Variants in PLEKHA6 observed in about 807,000 individuals in gnomAD.
PLEKHA6 encodes pleckstrin homology domain containing A6, also known as pleckstrin homology domain-containing family A member 6.
A neutral mutation model predicts 116.7 loss-of-function variants in PLEKHA6; 60 were observed. That is an observed-to-expected ratio of 0.51 (90% CI 0.42 to 0.64). The LOEUF (loss-of-function observed/expected upper bound fraction) is 0.64, where lower values mean the gene tolerates loss of function less well. PLEKHA6 is among the 30% of genes least tolerant of loss of function. The pLI is 0.00. For missense variants in PLEKHA6, 1,338 were observed against 1,422.7 expected (o/e 0.94, Z 0.96); for synonymous variants, 489 against 556.1 (o/e 0.88, Z 1.70).
At chr1:204,353,611 G>C (rs1261284889) in intron 1 of PLEKHA6, among the ~76,000 whole-genome samples, 1 of 152,174 alleles carries the variant, frequency 6.6e-6, no homozygotes, top group Non-Finnish European at 1.5e-5. Flanking sequence ...TGTGATCATG[G>C]ACTTTCAGGT....
intron 1 of PLEKHA6, among the ~76,000 whole-genome samples, chr1:204,317,535 C>T (rs754047179): frequency 9.9e-5 from 15 of 152,150 alleles, no homozygotes; most frequent in East Asian, 3.8e-4. Context: ...CCAACACTCC[C>T]GGCTAGATCT....
At chr1:204,251,403 G>T in intron 9 of PLEKHA6, 1 of 606,754 alleles carries the variant, frequency 1.6e-6, no homozygotes, top group Admixed American at 2.5e-5. Context: ...GGAAGACCAG[G>T]CCAAGCCTGT....
At chr1:204,314,540 G>A (rs1358207287) in intron 1 of PLEKHA6, among the ~76,000 whole-genome samples, 1 of 152,184 alleles carries the variant, frequency 6.6e-6, no homozygotes, top group East Asian at 1.9e-4. Flanking sequence ...GTCTAACCAA[G>A]GAGACTGGAG....
chr1:204,247,361 T>C lies in PLEKHA6; in HGVS notation c.1920+4A>G. 1 of 1,597,882 alleles carries C rather than the reference T, an allele frequency of 6.3e-7. No homozygotes were observed. The highest frequency in any genetic ancestry group is 8.6e-7 in the Non-Finnish European group (1 of 1,165,624). ...TCCCCGCCAGCTCAGGGGCCCTTCT[T>C]CACCTGGGTGTCCAAATTGAGCTGC... On this transcript the variant is annotated splice_donor_region_variant and intron_variant, in intron 13 of 22. Coordinates refer to ENST00000272203, the MANE Select transcript of PLEKHA6 (RefSeq NM_014935.5).
rs562420368 is a variant in PLEKHA6 at position 204,350,035 on chromosome 1, A to C, written c.-95+9659T>G. 2.0e-5 allele frequency among the ~76,000 whole-genome samples: 3 copies of C among 152,226 alleles called. No homozygotes were observed. In the South Asian group the frequency reaches 6.2e-4, roughly 31 times the overall value. On this transcript the variant is annotated intron_variant, in intron 1 of 22. Coordinates refer to ENST00000272203, the MANE Select transcript of PLEKHA6 (RefSeq NM_014935.5). ...AATTTCGATGTCTTCCTTTTAAAAC[A>C]TTCTGGCCAGGCGCAGTGGTTCATG...
chr1:204,315,310 G>A (rs529436739), intron 1 of PLEKHA6, among the ~76,000 whole-genome samples: 3 of 152,224 alleles, frequency 2.0e-5, no homozygotes, highest in East Asian at 1.9e-4. Context: ...CCACCTCCAC[G>A]GTTTGGCATC....
At chr1:204,284,117 C>T (rs1668925131) in intron 1 of PLEKHA6, among the ~76,000 whole-genome samples, 2 of 152,216 alleles carry the variant, frequency 1.3e-5, no homozygotes, top group Non-Finnish European at 2.9e-5. Context: ...ATGCCCCCTC[C>T]TGTCCCTCCC....
In PLEKHA6 at chr1:204,358,510, G is replaced by A. The variant is rs577490899; in HGVS notation, c.-95+1184C>T. On this transcript the variant is annotated intron_variant, in intron 1 of 22. Coordinates refer to ENST00000272203, the MANE Select transcript of PLEKHA6 (RefSeq NM_014935.5). ...TGGGAGATTTGTAGGGCAAGTGCCC[G>A]CAGTGCCCCCGCACCTGCCCAGACA... Among the ~76,000 whole-genome samples the A allele has an allele frequency of 5.3e-5, 8 of 152,300 alleles. No individual in the cohort carries two copies. The South Asian group carries it at 6.2e-4, about 12-fold the overall frequency.
chr1:204,282,881 T>A, intron 1 of PLEKHA6: 2 of 844,614 alleles, frequency 2.4e-6, no homozygotes, highest in Non-Finnish European at 2.9e-6. Flanking sequence ...CTTTCCTCAG[T>A]AGCTAAGCCA....
In PLEKHA6 at chr1:204,238,191, G is replaced by C. The variant is rs1232772004; in HGVS notation, c.2409+3184C>G. On this transcript the variant is annotated intron_variant, in intron 17 of 22. Coordinates refer to ENST00000272203, the MANE Select transcript of PLEKHA6 (RefSeq NM_014935.5). This position sits in a 1 kb window ranked among gnomAD's most constrained non-coding sequence, Gnocchi z 4.2. Reference sequence around the variant, plus strand: ...TGAGTGGGGTCCAGAATGGGAAAAGGCTCTGCAACAGGTCCAGGCTGCTGT... The same window carrying C: ...TGAGTGGGGTCCAGAATGGGAAAAGCCTCTGCAACAGGTCCAGGCTGCTGT... 1.3e-5 allele frequency among the ~76,000 whole-genome samples: 2 copies of C among 152,172 alleles called. No homozygotes were observed. The highest frequency in any genetic ancestry group is 2.9e-5 in the Non-Finnish European group (2 of 68,032).
chr1:204,321,773 A>G (rs932007269), intron 1 of PLEKHA6, among the ~76,000 whole-genome samples: 3 of 152,198 alleles, frequency 2.0e-5, no homozygotes, highest in Non-Finnish European at 4.4e-5. Context: ...TGCATCTTTC[A>G]TTCAACAAGC....
In PLEKHA6 at chr1:204,228,383, C is replaced by G. The variant is rs1232983869; in HGVS notation, c.2886-155G>C. ...AGGCTGTCCCTAGGAGTGAGTGGGA[C>G]CCTGGCAAAACACAGGTTGGGACCC... On this transcript the variant is annotated intron_variant, in intron 20 of 22. Transcript: ENST00000272203. The surrounding 1 kb of genome is among the most constrained non-coding windows in gnomAD (Gnocchi z 4.0). Among the ~76,000 whole-genome samples, 1 of 152,122 alleles carries G rather than the reference C, an allele frequency of 6.6e-6. No homozygotes were observed.
At chr1:204,314,711 C>T (rs1671788843) in intron 1 of PLEKHA6, among the ~76,000 whole-genome samples, 1 of 152,244 alleles carries the variant, frequency 6.6e-6, no homozygotes, top group Non-Finnish European at 1.5e-5. Flanking sequence ...CTTCTAGGCC[C>T]TTATCTCCCT....
In PLEKHA6 at chr1:204,257,475, C is replaced by T; in HGVS notation, c.1402G>A (p.Ala468Thr). The T allele has an allele frequency of 6.3e-7, 1 of 1,576,432 alleles. No homozygotes were observed. The highest frequency in any genetic ancestry group is 2.3e-5 in the East Asian group (1 of 43,378). The change falls in exon 9 of 23, where the codon GCC becomes ACC. Residue 468 changes from alanine (A) to threonine (T), a missense_variant. By Grantham distance (58) the Ala-to-Thr change is moderately conservative (BLOSUM62 0). Around this residue, in one of 3 missense-constraint regions of PLEKHA6, gnomAD observed 1,136 missense variants for 1,163.6 expected, o/e 0.98. Transcript: ENST00000272203. This position sits in a 1 kb window ranked among gnomAD's most constrained non-coding sequence, Gnocchi z 6.5. ...GAGCGGACAGGGGAGTAAATGCGGG[C>T]ACGGCTGTAGGAGCCCTGGCTGGGT... ...RSPSQGSYSRARIYSPVRSPS... is the reference protein window; with the variant it reads ...RSPSQGSYSRTRIYSPVRSPS...
At chr1:204,288,776 C>A (rs896823808) in intron 1 of PLEKHA6, among the ~76,000 whole-genome samples, 1 of 152,074 alleles carries the variant, frequency 6.6e-6, no homozygotes, top group African/African-American at 2.4e-5. Context: ...TGTCTCTCTG[C>A]GCCACTCAGA....
chr1:204,254,428 A>G (rs921697412), intron 9 of PLEKHA6, among the ~76,000 whole-genome samples: 3 of 152,126 alleles, frequency 2.0e-5, no homozygotes, highest in South Asian at 2.1e-4. Context: ...AGTTGCAGCT[A>G]TAGCATCTCA....
upstream of PLEKHA6, among the ~76,000 whole-genome samples, chr1:204,360,383 GC>G (rs55977147): frequency 0.21 from 28,001 of 135,640 alleles, 2,841 homozygotes; most frequent in Non-Finnish European, 0.23. Context: ...CCCATCCCCC[GC>G]CCCCCCCCCA....
rs59277819 is a variant in PLEKHA6, at chr1:204,219,243, A to G, written c.*3545T>C. On this transcript the variant is annotated 3_prime_UTR_variant, in exon 23 of 23. Coordinates refer to ENST00000272203, the MANE Select transcript of PLEKHA6 (RefSeq NM_014935.5). ...TACGTGTGTGTGTGTGTGTGTGTGT[A>G]TATATATATATATATATAATGTGTG... The G allele has an allele frequency of 0.07, 8,027 of 114,298 alleles. 281 individuals are homozygous for G. Among genetic ancestry groups the G allele is most frequent in the African/African-American group, 0.15 (3,836 of 24,784 alleles). 7.1% of individuals were successfully genotyped at this position (114,298 alleles called of 1,614,324 possible).
At chr1:204,268,351 T>A in intron 3 of PLEKHA6, 39 bp from the exon 4 acceptor site, 3 of 1,431,674 alleles carry the variant, frequency 2.1e-6, no homozygotes, top group East Asian at 4.7e-5. Context: ...GTCCCCAGTC[T>A]CCTCCTTCCT....
Sources: allele counts gnomAD v4.1 joint callset (sites outside exome capture counted in the v4.1 genomes callset), GRCh38; gene constraint gnomAD v4.1.1; regional missense constraint gnomAD v4.1.1; non-coding constraint Gnocchi (gnomAD v3.1); transcripts MANE v1.5; gene names NCBI Gene and HGNC (gene_info 2026-07-23, HGNC 2026-07-21).